The following LYPD6 variants were observed in gnomAD, a reference collection of about 807,000 sequenced individuals.
LYPD6 encodes LY6/PLAUR domain containing 6.
LYPD6 carries 15 observed loss-of-function variants against 22.7 expected under a neutral mutation model. That is an observed-to-expected ratio of 0.66 (90% CI 0.44 to 1.02). The LOEUF (loss-of-function observed/expected upper bound fraction) is 1.02. Among genes scored for constraint, LYPD6 ranks in the 50% least tolerant of loss-of-function variants. The pLI, the probability that LYPD6 is intolerant of heterozygous loss-of-function variation, is 0.00. For synonymous variants in LYPD6, 72 were observed against 77.5 expected, an observed-to-expected ratio of 0.93 and a Z score of 0.37; for missense variants, 189 against 208.4, an observed-to-expected ratio of 0.91 and a Z score of 0.57.
rs191406951 is a variant in LYPD6 at position 149,466,022 on chromosome 2, A to G, written c.218-2623A>G. Among the ~76,000 whole-genome samples, 218 of 152,272 alleles carry G rather than the reference A, an allele frequency of 1.4e-3. 1 individual carries two copies. Among genetic ancestry groups the G allele is most frequent in the African/African-American group, 4.9e-3 (205 of 41,550 alleles). On this transcript the variant is annotated intron_variant, in intron 3 of 4. Coordinates refer to ENST00000334166, the MANE Select transcript of LYPD6 (RefSeq NM_194317.5). Reference sequence around the variant, plus strand: ...GAAGTTATCAGCAGGCTTGATTCTCATATTACCTCATTACTAACCCAAGGA... The same window carrying G: ...GAAGTTATCAGCAGGCTTGATTCTCGTATTACCTCATTACTAACCCAAGGA...
intron 1 of LYPD6, among the ~76,000 whole-genome samples, chr2:149,375,025 A>G (rs1681886865): frequency 6.6e-6 from 1 of 152,172 alleles, no homozygotes; most frequent in East Asian, 1.9e-4. Flanking sequence ...GGTGATCTTC[A>G]GTCTTCAAGG....
intron 1 of LYPD6, among the ~76,000 whole-genome samples, chr2:149,365,850 C>A (rs1681651094): frequency 6.6e-6 from 1 of 152,116 alleles, no homozygotes; most frequent in Non-Finnish European, 1.5e-5. Flanking sequence ...TCCTCAACAA[C>A]CAATTTTAAT....
chr2:149,464,432 C>T (rs774084907), intron 3 of LYPD6: 5 of 186,626 alleles, frequency 2.7e-5, no homozygotes, highest in East Asian at 3.6e-4. Flanking sequence ...AAGGTATATA[C>T]GAGGCAATGA....
chr2:149,444,967 C>A (rs1683653363), intron 2 of LYPD6, among the ~76,000 whole-genome samples: 1 of 152,182 alleles, frequency 6.6e-6, no homozygotes, highest in Non-Finnish European at 1.5e-5. Flanking sequence ...TCAGCGGAAT[C>A]ATGATCTATG....
intron 1 of LYPD6, among the ~76,000 whole-genome samples, chr2:149,356,685 A>G (rs942114603): frequency 6.6e-6 from 1 of 152,140 alleles, no homozygotes; most frequent in Non-Finnish European, 1.5e-5. Context: ...GGAAGTGGCA[A>G]CTCAGGAGAA....
rs765640438 is a variant in LYPD6 at position 149,468,793 on chromosome 2, A to G, written c.348+18A>G. 37 of 1,612,446 alleles carry G rather than the reference A, an allele frequency of 2.3e-5. No homozygotes were observed. Among genetic ancestry groups the G allele is most frequent in the Admixed American group, 8.3e-5 (5 of 59,948 alleles). On this transcript the variant is annotated intron_variant, in intron 4 of 4. Coordinates refer to ENST00000334166, the MANE Select transcript of LYPD6 (RefSeq NM_194317.5). ...GCCACAAGGTCTGGGCAACAGAGCA[A>G]GTGACCAGTACTACATAGCCAGCTG...
chr2:149,451,882 G>T (rs1680830433), intron 3 of LYPD6, among the ~76,000 whole-genome samples: 1 of 152,212 alleles, frequency 6.6e-6, no homozygotes, highest in South Asian at 2.1e-4. Context: ...AGGCGGTTTA[G>T]TTGGGCTGAT....
Position 149,404,744 on chromosome 2 carries a change from T to G in LYPD6, c.-71-32894T>G, listed in dbSNP as rs375750104. 5.1e-4 allele frequency among the ~76,000 whole-genome samples: 78 copies of G among 152,246 alleles called. No individual in the cohort carries two copies. In the South Asian group the frequency reaches 5.8e-3, roughly 11 times the overall value. On this transcript the variant is annotated intron_variant, in intron 1 of 4. Coordinates refer to ENST00000334166, the MANE Select transcript of LYPD6 (RefSeq NM_194317.5). ...CTTTATTTCCTTCTCCTGCCTAATTTCCCTGGCCAGAACTTCCCACACTAT... is the reference window on the plus strand; with the variant it reads ...CTTTATTTCCTTCTCCTGCCTAATTGCCCTGGCCAGAACTTCCCACACTAT...
At chr2:149,434,764 A>T (rs570233643) in intron 1 of LYPD6, among the ~76,000 whole-genome samples, 153 of 152,298 alleles carry the variant, frequency 1.0e-3, no homozygotes, top group Non-Finnish European at 1.7e-3. Context: ...AAGGATAATC[A>T]CGGCAAGTTC....
At chr2:149,421,481 A>G (rs1391742548) in intron 1 of LYPD6, among the ~76,000 whole-genome samples, 5 of 151,756 alleles carry the variant, frequency 3.3e-5, no homozygotes, top group African/African-American at 1.2e-4. Flanking sequence ...TACCCCTACT[A>G]CACTGAGTGT....
intron 2 of LYPD6, among the ~76,000 whole-genome samples, chr2:149,442,479 T>A (rs996081942): frequency 1.3e-5 from 2 of 152,212 alleles, no homozygotes; most frequent in African/African-American, 4.8e-5. Context: ...CAAGGACTTA[T>A]GCCCTGAAAT....
At chr2:149,386,825 C>T (rs1682196836) in intron 1 of LYPD6, among the ~76,000 whole-genome samples, 1 of 152,158 alleles carries the variant, frequency 6.6e-6, no homozygotes, top group Non-Finnish European at 1.5e-5. Flanking sequence ...TGGGCCTTAC[C>T]TTCACTACCT....
chr2:149,391,114 A>G (rs1682298470), intron 1 of LYPD6, among the ~76,000 whole-genome samples: 2 of 152,202 alleles, frequency 1.3e-5, no homozygotes, highest in East Asian at 1.9e-4. Flanking sequence ...GTGACCTACT[A>G]TTGGCAGGAG....
intron 1 of LYPD6, among the ~76,000 whole-genome samples, chr2:149,406,687 A>G (rs1317200713): frequency 3.3e-5 from 5 of 152,088 alleles, no homozygotes; most frequent in Admixed American, 6.5e-5. Flanking sequence ...TCTTTATCCA[A>G]TTTGCCAGTC....
intron 1 of LYPD6, among the ~76,000 whole-genome samples, chr2:149,385,917 G>A (rs1682174228): frequency 6.6e-6 from 1 of 152,180 alleles, no homozygotes; most frequent in Non-Finnish European, 1.5e-5. Context: ...GGGGTTGGAA[G>A]ATTAAGGCAG....
chr2:149,485,948 CA>C, the LYPD6 span, among the ~76,000 whole-genome samples: 1 of 152,126 alleles, frequency 6.6e-6, no homozygotes, highest in South Asian at 2.1e-4. Context: ...GACATTGAAT[CA>C]GGGGTTTTAA....
At chr2:149,469,140 C>T (rs531431716) in intron 4 of LYPD6, among the ~76,000 whole-genome samples, 18 of 152,228 alleles carry the variant, frequency 1.2e-4, no homozygotes, top group East Asian at 1.9e-4. Context: ...ACAGGAGGAC[C>T]GACGCAATTC....
At chr2:149,384,874 T>C (rs1254984064) in intron 1 of LYPD6, among the ~76,000 whole-genome samples, 1 of 132,318 alleles carries the variant, frequency 7.6e-6, no homozygotes, top group African/African-American at 2.8e-5. Flanking sequence ...AACTATCCCT[T>C]CCCCCTCCCC....
At position 149,376,982 on chromosome 2, in the gene LYPD6, C is replaced by G. The variant is rs181269437; in HGVS notation, c.-72+46260C>G. 6.0e-3 allele frequency among the ~76,000 whole-genome samples: 913 copies of G among 152,288 alleles called. 6 individuals are homozygous for G. Among genetic ancestry groups the G allele is most frequent in the African/African-American group, 0.021 (875 of 41,550 alleles). On this transcript the variant is annotated intron_variant, in intron 1 of 4. Transcript: ENST00000334166. Reference sequence around the variant, plus strand: ...CCAAACCTTTGCATCTCCTTTGTCACTGGGATCAGGAGATAGCATAAAATC... The same window carrying G: ...CCAAACCTTTGCATCTCCTTTGTCAGTGGGATCAGGAGATAGCATAAAATC...
Sources: gnomAD v4.1 joint callset for allele counts (sites outside exome capture counted in the v4.1 genomes callset) on GRCh38, gnomAD v4.1.1 for gene constraint, MANE v1.5 for transcripts, NCBI Gene and HGNC (gene_info 2026-07-23, HGNC 2026-07-21) for gene names.